Variants in GRIP1 observed in about 807,000 individuals in gnomAD.
GRIP1 encodes the protein glutamate receptor-interacting protein 1.
A neutral mutation model predicts 129.9 loss-of-function variants in GRIP1; 45 were observed. The observed-to-expected ratio is 0.35, with a 90% confidence interval of 0.27 to 0.44. The LOEUF is 0.44. Among genes scored for constraint, GRIP1 ranks in the 20% least tolerant of loss-of-function variants. The pLI is 1.00. For synonymous variants in GRIP1, 530 were observed against 520.8 expected, an observed-to-expected ratio of 1.02 and a Z score of -0.24; for missense variants, 1,196 against 1,396.8, an observed-to-expected ratio of 0.86 and a Z score of 2.29.
intron 1 of GRIP1, among the ~76,000 whole-genome samples, chr12:66,731,103 A>G (rs985890506): frequency 6.6e-6 from 1 of 152,074 alleles, no homozygotes; most frequent in Non-Finnish European, 1.5e-5. Context: ...ATTCTTAGAG[A>G]GATCTCATTA....
Position 66,634,178 on chromosome 12 carries a change from A to T in GRIP1, c.56-37251T>A, listed in dbSNP as rs925378060. Among the ~76,000 whole-genome samples the T allele has an allele frequency of 2.0e-5, 3 of 152,216 alleles. No individual in the cohort carries two copies. In the South Asian group the frequency reaches 6.2e-4, roughly 31 times the overall value. On this transcript the variant is annotated intron_variant, in intron 1 of 24. Coordinates refer to ENST00000359742, the MANE Select transcript of GRIP1 (RefSeq NM_001366722.1). ...CATTCCACGAAAAGATTTCCCATAC[A>T]TTTCCAATGTGAAATTTAAATGTTA...
chr12:66,448,382 C>G (rs988852991), intron 11 of GRIP1, among the ~76,000 whole-genome samples: 3 of 152,202 alleles, frequency 2.0e-5, no homozygotes, highest in Admixed American at 2.0e-4. Context: ...CAAAAATCCT[C>G]TTTTCCCTTA....
At chr12:66,778,609 CCG>C (rs1216847989) in intron 1 of GRIP1, among the ~76,000 whole-genome samples, 1 of 152,046 alleles carries the variant, frequency 6.6e-6, no homozygotes, top group Non-Finnish European at 1.5e-5. Context: ...TTTGTGTAGC[CCG>C]TGTTACCTAT....
intron 1 of GRIP1, among the ~76,000 whole-genome samples, chr12:66,866,427 C>T (rs997568576): frequency 3.9e-5 from 6 of 152,254 alleles, no homozygotes; most frequent in East Asian, 1.9e-4. Flanking sequence ...GAGCTATGAT[C>T]GCACCACTGC....
chr12:66,834,133 G>A (rs984626794), intron 1 of GRIP1, among the ~76,000 whole-genome samples: 8 of 142,814 alleles, frequency 5.6e-5, no homozygotes, highest in Non-Finnish European at 9.0e-5. Flanking sequence ...AGCCCAGATC[G>A]TGCCACTGCA....
At chr12:66,887,885 A>G (rs370804679) in intron 1 of GRIP1, among the ~76,000 whole-genome samples, 1 of 152,166 alleles carries the variant, frequency 6.6e-6, no homozygotes, top group East Asian at 1.9e-4. Context: ...TATAAATTAA[A>G]TTTAGATAAC....
chr12:66,814,752 AAG>A (rs779128845), intron 1 of GRIP1, among the ~76,000 whole-genome samples: 13 of 150,736 alleles, frequency 8.6e-5, no homozygotes, highest in South Asian at 2.1e-4. Flanking sequence ...ATATTTAACA[AAG>A]AGAGAGAGAG....
intron 1 of GRIP1, among the ~76,000 whole-genome samples, chr12:66,646,115 A>G (rs1391632941): frequency 6.6e-6 from 1 of 152,236 alleles, no homozygotes; most frequent in Non-Finnish European, 1.5e-5. Flanking sequence ...CTAAACACAA[A>G]AAAAGGTACG....
chr12:66,614,690 CT>C, intron 1 of GRIP1, among the ~76,000 whole-genome samples: 1 of 152,238 alleles, frequency 6.6e-6, no homozygotes, highest in East Asian at 1.9e-4. Context: ...TTCCATTATA[CT>C]TAGAATAATA....
intron 5 of GRIP1, among the ~76,000 whole-genome samples, chr12:66,526,208 C>A (rs1336342989): frequency 7.3e-5 from 11 of 150,542 alleles, no homozygotes; most frequent in Non-Finnish European, 1.2e-4. Context: ...CAAAAAAGAG[C>A]CTGCATTGCC....
rs1156917271 is a variant in GRIP1, at chr12:66,696,722, G to A, written c.-419-66386C>T. Among the ~76,000 whole-genome samples, 6 of 150,316 alleles carry A rather than the reference G, an allele frequency of 4.0e-5. No individual in the cohort carries two copies. In the South Asian group the frequency reaches 1.1e-3, roughly 26 times the overall value. On this transcript the variant is annotated intron_variant, in intron 1 of 4. Coordinates refer to the GRIP1 transcript ENST00000538373. ...TGGGAGGCTGAGGCAGGAGAATGGC[G>A]TGAACCCGGGAGGCAGAGCTTGCAG...
chr12:66,772,964 G>A (rs1002076988), intron 1 of GRIP1, among the ~76,000 whole-genome samples: 2 of 152,180 alleles, frequency 1.3e-5, no homozygotes, highest in Admixed American at 6.5e-5. Context: ...CTGGGAAAAT[G>A]AAACTTCCTA....
At chr12:66,761,261 C>T (rs10506496) in intron 1 of GRIP1, among the ~76,000 whole-genome samples, 1,989 of 152,120 alleles carry the variant, frequency 0.013, 53 homozygotes, top group African/African-American at 0.046. Context: ...AAAATTTCCA[C>T]GGATTCTCCC....
intron 1 of GRIP1, among the ~76,000 whole-genome samples, chr12:66,734,040 G>A (rs1326349792): frequency 6.6e-6 from 1 of 152,096 alleles, no homozygotes; most frequent in Non-Finnish European, 1.5e-5. Flanking sequence ...GAAATGTGGG[G>A]CCCACACAGC....
rs74350992 is a variant in GRIP1 at position 66,935,070 on chromosome 12, T to A, written c.58+133980A>T. ...ACATTTCATTTATTGTTCTCTTGTA[T>A]CCTCAGCAGCTACCTCTCTAACAAA... is the stretch of plus-strand genomic sequence containing the variant. On this transcript the variant is annotated intron_variant, in intron 1 of 1. Transcript: ENST00000643019. Among the ~76,000 whole-genome samples the A allele has an allele frequency of 1.2e-4, 18 of 152,350 alleles. No individual in the cohort carries two copies. In the East Asian group the frequency reaches 3.5e-3, roughly 29 times the overall value.
At chr12:67,043,277 T>C (rs1354670604) in intron 1 of GRIP1, among the ~76,000 whole-genome samples, 1 of 152,322 alleles carries the variant, frequency 6.6e-6, no homozygotes, top group Non-Finnish European at 1.5e-5. Flanking sequence ...TGGAGCCTGC[T>C]GATAGGAGGA....
intron 2 of GRIP1, among the ~76,000 whole-genome samples, chr12:66,570,739 A>G (rs1325209532): frequency 1.3e-5 from 2 of 152,294 alleles, no homozygotes; most frequent in Admixed American, 6.5e-5. Flanking sequence ...GGTTTTGTCA[A>G]ATTCGAAAAA....
At chr12:66,563,903 T>C (rs1420918066) in intron 2 of GRIP1, 2 of 152,680 alleles carry the variant, frequency 1.3e-5, no homozygotes, top group South Asian at 2.1e-4. Context: ...TGTTTGTTGC[T>C]TAATTATGCT....
intron 5 of GRIP1, 149 bp downstream of exon 5, chr12:66,529,682 T>C (rs56366511): frequency 0.054 from 35,261 of 658,072 alleles, 1,155 homozygotes; most frequent in Non-Finnish European, 0.068. Context: ...TTGGGTTCAG[T>C]GTATACTGCT....
Sources: allele counts gnomAD v4.1 joint callset (sites outside exome capture counted in the v4.1 genomes callset), GRCh38; gene constraint gnomAD v4.1.1; transcripts MANE v1.5; gene names NCBI Gene and HGNC (gene_info 2026-07-23, HGNC 2026-07-21).